Variants in BCAS3 observed in about 807,000 individuals in gnomAD.
BCAS3 encodes BCAS4/BCAS3 fusion.
BCAS3 carries 53 observed loss-of-function variants against 116.1 expected under a neutral mutation model. The observed-to-expected ratio is 0.46, with a 90% CI of 0.37 to 0.57. BCAS3 has a LOEUF of 0.57. BCAS3 is among the 20% of genes least tolerant of loss of function. The pLI is 0.00. For missense variants in BCAS3, 917 were observed against 1,165.4 expected (o/e 0.79, Z 3.10); for synonymous variants, 391 against 408.2 (o/e 0.96, Z 0.51).
chr17:61,146,026 T>G (rs765365423), intron 22 of BCAS3, among the ~76,000 whole-genome samples: 1 of 152,148 alleles, frequency 6.6e-6, no homozygotes, highest in South Asian at 2.1e-4. Flanking sequence ...CTCTTCTGCT[T>G]TGCTGGGGAG....
intron 19 of BCAS3, among the ~76,000 whole-genome samples, chr17:61,074,583 C>CTAAA (rs1200863212): frequency 6.6e-6 from 1 of 152,154 alleles, no homozygotes; most frequent in Non-Finnish European, 1.5e-5. Flanking sequence ...TATGAAGCTA[C>CTAAA]TAAATAAACT....
chr17:60,910,614 A>C lies in BCAS3; in HGVS notation c.905A>C (p.Asp302Ala), dbSNP rs1446545367. The C allele has an allele frequency of 1.8e-5, 29 of 1,613,526 alleles. No individual in the cohort carries two copies. The highest frequency in any genetic ancestry group is 2.5e-5 in the Non-Finnish European group (29 of 1,179,794). ...GTLPSGVTEDDVAIHSNSRRS... is the reference protein window; with the variant it reads ...GTLPSGVTEDAVAIHSNSRRS... ...CTGCCTTCAGGTGTGACAGAAGATG[A>C]TGTTGCCATCCACAGTAATTCACGG... The change falls in exon 12 of 24, where the codon GAT becomes GCT. Residue 302 changes from aspartate (D) to alanine (A), a missense_variant. Physicochemically the swap from Asp to Ala is moderately radical, Grantham distance 126 (BLOSUM62 -2). Transcript: ENST00000407086.
chr17:61,369,947 G>A (rs527652770), intron 23 of BCAS3, among the ~76,000 whole-genome samples: 4 of 152,306 alleles, frequency 2.6e-5, no homozygotes, highest in Admixed American at 1.3e-4. Context: ...ACCCATCCCC[G>A]GCAGCCTCCC....
intron 19 of BCAS3, chr17:61,069,920 C>G: frequency 6.6e-7 from 1 of 1,525,916 alleles, no homozygotes; most frequent in Admixed American, 1.7e-5. Context: ...AAAGCCGAAG[C>G]CAAAGCGAAG....
At position 60,723,332 on chromosome 17, in the gene BCAS3, C is replaced by T. The variant is rs540852505; in HGVS notation, c.321+14007C>T. On this transcript the variant is annotated intron_variant, in intron 5 of 23. Transcript: ENST00000407086. ...CTCTGCCTCCCGAGTTCAAGCAATT[C>T]TTCTGCCTCAGCCTCCTGAGTAGCT... is the stretch of plus-strand genomic sequence containing the variant. Among the ~76,000 whole-genome samples, 6 of 152,144 alleles carry T rather than the reference C, an allele frequency of 3.9e-5. No individual in the cohort carries two copies. The South Asian group carries it at 1.2e-3, about 32-fold the overall frequency.
Position 61,082,807 on chromosome 17 carries a change from A to G in BCAS3, c.2328-1660A>G, listed in dbSNP as rs970898957. 6.6e-6 allele frequency among the ~76,000 whole-genome samples: 1 copy of G among 152,224 alleles called. No individual in the cohort carries two copies. Among genetic ancestry groups the G allele is most frequent in the Non-Finnish European group, 1.5e-5 (1 of 68,044 alleles). On this transcript the variant is annotated intron_variant, in intron 21 of 23. Coordinates refer to ENST00000407086, the MANE Select transcript of BCAS3 (RefSeq NM_017679.5). The surrounding 1 kb of genome is among the most constrained non-coding windows in gnomAD (Gnocchi z 5.1). ...AGAAAAATTAGCTGGGGTGGAATGA[A>G]TATTGGGTAGTCCTACATAGCAGTG...
intron 14 of BCAS3, among the ~76,000 whole-genome samples, chr17:60,968,787 G>A (rs186682000): frequency 6.6e-6 from 1 of 152,298 alleles, no homozygotes; most frequent in Non-Finnish European, 1.5e-5. Context: ...CTTTGGCCAA[G>A]TAATGGAACA....
At chr17:61,044,465 A>AAAAAAAAAAAATATATATAT in intron 19 of BCAS3, among the ~76,000 whole-genome samples, 63 of 120,068 alleles carry the variant, frequency 5.2e-4, no homozygotes, top group African/African-American at 2.8e-3. Context: ...AAAAAAAAAA[A>AAAAAAAAAAAATATATATAT]ATATATATAT....
rs959892030 is a variant in BCAS3, at chr17:61,051,484, C to T, written c.2029+10592C>T. Reference sequence around the variant, plus strand: ...AAATTTCATTATATCTGAATAAAGTCTCTGGATTGTATCAATGGTGATTTT... The same window carrying T: ...AAATTTCATTATATCTGAATAAAGTTTCTGGATTGTATCAATGGTGATTTT... On this transcript the variant is annotated intron_variant, in intron 19 of 23. Coordinates refer to ENST00000407086, the MANE Select transcript of BCAS3 (RefSeq NM_017679.5). This position sits in a 1 kb window ranked among gnomAD's most constrained non-coding sequence, Gnocchi z 4.1. Among the ~76,000 whole-genome samples, 1 of 152,166 alleles carries T rather than the reference C, an allele frequency of 6.6e-6. No individual in the cohort carries two copies. The highest frequency in any genetic ancestry group is 2.4e-5 in the African/African-American group (1 of 41,442).
chr17:60,720,503 A>G (rs2039118993), intron 5 of BCAS3: 1 of 152,212 alleles, frequency 6.6e-6, no homozygotes, highest in Non-Finnish European at 1.5e-5. Flanking sequence ...TACATCACCT[A>G]AAATATGGCA....
At chr17:61,301,222 G>C (rs1602524284) in intron 22 of BCAS3, among the ~76,000 whole-genome samples, 1 of 152,318 alleles carries the variant, frequency 6.6e-6, no homozygotes, top group African/African-American at 2.4e-5. Flanking sequence ...CAGCAGAATT[G>C]AATAGCTGGC....
In BCAS3 at chr17:61,161,278, A is replaced by G. The variant is rs921605449; in HGVS notation, c.2425+76714A>G. On this transcript the variant is annotated intron_variant, in intron 22 of 23. Transcript: ENST00000407086. The surrounding 1 kb of genome is among the most constrained non-coding windows in gnomAD (Gnocchi z 4.8). ...TACATCCACATTTTGTTATAAATGT[A>G]TAATTACAGGAAATATGTGAAAAGT... 3.9e-5 allele frequency among the ~76,000 whole-genome samples: 6 copies of G among 152,252 alleles called. No homozygotes were observed. The highest frequency in any genetic ancestry group is 8.8e-5 in the Non-Finnish European group (6 of 68,048).
At chr17:60,814,299 G>GCGCGCGCGCA (rs754671905) in intron 7 of BCAS3, among the ~76,000 whole-genome samples, 1 of 126,372 alleles carries the variant, frequency 7.9e-6, no homozygotes, top group Non-Finnish European at 1.6e-5. Flanking sequence ...GTGTGTGTGT[G>GCGCGCGCGCA]TGTGTGTGCG....
rs79365689 is a variant in BCAS3 at position 61,211,321 on chromosome 17, A to C, written c.2425+126757A>C. 2.8e-3 allele frequency among the ~76,000 whole-genome samples: 423 copies of C among 152,298 alleles called. 2 individuals are homozygous for C. Among genetic ancestry groups the C allele is most frequent in the African/African-American group, 9.8e-3 (406 of 41,566 alleles). On this transcript the variant is annotated intron_variant, in intron 22 of 23. Transcript: ENST00000407086. This position sits in a 1 kb window ranked among gnomAD's most constrained non-coding sequence, Gnocchi z 4.4. Reference sequence around the variant, plus strand: ...TATTTGTGATCTGTAAGACTTTTCAAACACAGGTTTAAACATCCAGAGACT... The same window carrying C: ...TATTTGTGATCTGTAAGACTTTTCACACACAGGTTTAAACATCCAGAGACT...
At position 61,378,304 on chromosome 17, in the gene BCAS3, G is replaced by T. The variant is rs2059430633; in HGVS notation, c.2593+9810G>T. 6.6e-6 allele frequency: 1 copy of T among 152,248 alleles called. No individual in the cohort carries two copies. The highest frequency in any genetic ancestry group is 1.5e-5 in the Non-Finnish European group (1 of 68,126). 9.4% of individuals were successfully genotyped at this position (152,248 alleles called of 1,614,324 possible). A position where few individuals can be genotyped will look rare whatever the true frequency, so the allele number is the denominator to read the frequency against. On this transcript the variant is annotated intron_variant, in intron 23 of 23. Transcript: ENST00000407086. The surrounding 1 kb of genome is among the most constrained non-coding windows in gnomAD (Gnocchi z 5.8). ...GACCGCTGCCCTCCCATCCTGCCCA[G>T]TCGTCGTCTTAGGCCAAGCTCAAAT...
At chr17:60,902,756 G>T in intron 11 of BCAS3, 53 bp downstream of exon 11, 1 of 1,327,032 alleles carries the variant, frequency 7.5e-7, no homozygotes, top group Non-Finnish European at 1.1e-6. Flanking sequence ...TAATTGTTCA[G>T]ATTTCTCTCC....
At chr17:60,849,939 G>T (rs9914908) in intron 7 of BCAS3, among the ~76,000 whole-genome samples, 28,562 of 151,916 alleles carry the variant, frequency 0.19, 3,262 homozygotes, top group African/African-American at 0.32. Flanking sequence ...TTTATTTTTT[G>T]TAGAGATAGG....
rs370174385 is a variant in BCAS3, at chr17:61,115,624, C to T, written c.2425+31060C>T. 7.3e-5 allele frequency among the ~76,000 whole-genome samples: 10 copies of T among 137,076 alleles called. No individual in the cohort carries two copies. The East Asian group carries it at 1.5e-3, about 21-fold the overall frequency. 89.9% of individuals were successfully genotyped at this position (137,076 alleles called of 152,430 possible). A position where few individuals can be genotyped will look rare whatever the true frequency, so the allele number is the denominator to read the frequency against. ...TGGAGAGGATGTGGAGAAACAGGAACACTTTTACACTGTTGATGGGACTGT... is the reference window on the plus strand; with the variant it reads ...TGGAGAGGATGTGGAGAAACAGGAATACTTTTACACTGTTGATGGGACTGT... On this transcript the variant is annotated intron_variant, in intron 22 of 23. Transcript: ENST00000407086.
intron 22 of BCAS3, among the ~76,000 whole-genome samples, chr17:61,274,179 A>G (rs2050574953): frequency 1.3e-5 from 2 of 148,836 alleles, no homozygotes; most frequent in African/African-American, 5.0e-5. Flanking sequence ...CTCATTGTTC[A>G]GTTCCCACCT....
Sources: allele counts gnomAD v4.1 joint callset (sites outside exome capture counted in the v4.1 genomes callset), GRCh38; gene constraint gnomAD v4.1.1; non-coding constraint Gnocchi (gnomAD v3.1); transcripts MANE v1.5; gene names NCBI Gene and HGNC (gene_info 2026-07-23, HGNC 2026-07-21).